Variants in C17orf99 observed in about 807,000 individuals in gnomAD.
C17orf99 encodes the protein chromosome 17 open reading frame 99.
Under a neutral mutation model 22.6 loss-of-function variants are expected in C17orf99, and 18 were observed. That is an observed-to-expected ratio of 0.80 (90% CI 0.55 to 1.18). The LOEUF is 1.18. Among genes scored for constraint, C17orf99 ranks in the 50% most tolerant of loss-of-function variants. The probability of loss-of-function intolerance (pLI) is 0.00; values close to 1 mark genes in which losing one functional copy is unlikely to be tolerated. For synonymous variants in C17orf99, 147 were observed against 136.6 expected, an observed-to-expected ratio of 1.08 and a Z score of -0.53; for missense variants, 328 against 342.7, an observed-to-expected ratio of 0.96 and a Z score of 0.34.
intron 2 of C17orf99, chr17:78,159,968 T>C (rs1202120575): frequency 4.6e-6 from 2 of 437,862 alleles, no homozygotes; most frequent in East Asian, 1.4e-4. Flanking sequence ...CATTCGTCCA[T>C]TGATAGATAT....
chr17:78,153,492 GA>G (rs5822231), intron 2 of C17orf99, among the ~76,000 whole-genome samples: 15,922 of 148,370 alleles, frequency 0.11, 1,234 homozygotes, highest in African/African-American at 0.22. Flanking sequence ...CTCAAAAAAA[GA>G]AAAAAAAAAG....
chr17:78,146,315 C>A (rs1338216010), upstream of C17orf99: 7 of 1,205,998 alleles, frequency 5.8e-6, no homozygotes, highest in Non-Finnish European at 7.0e-6. The surrounding 1 kb of genome is among the most constrained non-coding windows in gnomAD (Gnocchi z 5.2). Flanking sequence ...TGCAGGCACC[C>A]ACCCAGGGAG....
chr17:78,152,878 TGTAGA>T (rs1016126504), intron 2 of C17orf99, among the ~76,000 whole-genome samples: 16 of 151,864 alleles, frequency 1.1e-4, no homozygotes, highest in African/African-American at 3.6e-4. Context: ...GGTCAGGAGT[TGTAGA>T]CCAGCCTGGC....
intron 2 of C17orf99, among the ~76,000 whole-genome samples, chr17:78,153,095 A>AT (rs2075497874): frequency 6.8e-6 from 1 of 147,814 alleles, no homozygotes; most frequent in African/African-American, 2.6e-5. Flanking sequence ...AAAAAAATAA[A>AT]TTAAAAAAAA....
At chr17:78,160,381 C>G (rs1196570392) in intron 2 of C17orf99, among the ~76,000 whole-genome samples, 1 of 151,838 alleles carries the variant, frequency 6.6e-6, no homozygotes, top group Non-Finnish European at 1.5e-5. Flanking sequence ...ACTAAAAATA[C>G]AAAAATTAGC....
intron 2 of C17orf99, chr17:78,160,627 A>T (rs1397342098): frequency 9.5e-6 from 3 of 316,104 alleles, no homozygotes; most frequent in Non-Finnish European, 1.8e-5. Context: ...CCCAGGCTGG[A>T]GTGCAGTGGT....
chr17:78,150,810 G>A lies in C17orf99; in HGVS notation c.70+3899G>A, dbSNP rs117342982. The stretch of plus-strand genomic sequence containing the variant: ...TGAGGATACAGGGGATTTTGATTCC[G>A]GCTGAGCCTACACTCCAAACGGCAC... On this transcript the variant is annotated intron_variant, in intron 2 of 4. Coordinates refer to ENST00000340363, the MANE Select transcript of C17orf99 (RefSeq NM_001163075.2). Among the ~76,000 whole-genome samples the A allele has an allele frequency of 7.7e-3, 1,174 of 152,148 alleles. 10 individuals carry two copies. Among genetic ancestry groups the A allele is most frequent in the Middle Eastern group, 0.017 (5 of 294 alleles).
At chr17:78,155,132 T>TG (rs373824434) in intron 2 of C17orf99, among the ~76,000 whole-genome samples, 4 of 114,960 alleles carry the variant, frequency 3.5e-5, no homozygotes, top group African/African-American at 5.0e-5. Context: ...CTATTTTTTT[T>TG]TTTTTTTTTT....
At chr17:78,155,135 T>TG (rs1202993394) in intron 2 of C17orf99, among the ~76,000 whole-genome samples, 22,590 of 150,772 alleles carry the variant, frequency 0.15, 2,744 homozygotes, top group African/African-American at 0.33. Flanking sequence ...TTTTTTTTTT[T>TG]TTTTTTTTGT....
Position 78,146,705 on chromosome 17 carries a change from G to T in C17orf99, c.38-174G>T. On this transcript the variant is annotated intron_variant, in intron 1 of 4. Transcript: ENST00000340363. This position sits in a 1 kb window ranked among gnomAD's most constrained non-coding sequence, Gnocchi z 5.2. ...TGGGCGGATGAGAGGCGATGTTGTG[G>T]GGGGAGGGGCGCAAAAGAGCTTTTG... 1 of 684,160 alleles carries T rather than the reference G, an allele frequency of 1.5e-6. No homozygotes were observed. The highest frequency in any genetic ancestry group is 2.5e-6 in the Non-Finnish European group (1 of 392,174). 42.4% of individuals were successfully genotyped at this position (684,160 alleles called of 1,614,324 possible). A position where few individuals can be genotyped will look rare whatever the true frequency, so the allele number is the denominator to read the frequency against.
intron 2 of C17orf99, among the ~76,000 whole-genome samples, chr17:78,148,253 T>A (rs1185154231): frequency 6.6e-6 from 1 of 150,656 alleles, no homozygotes; most frequent in Non-Finnish European, 1.5e-5. Context: ...CGATCTCAGC[T>A]TACTGCAACC....
chr17:78,163,481 C>G (rs1020732734), intron 3 of C17orf99, among the ~76,000 whole-genome samples: 2 of 152,136 alleles, frequency 1.3e-5, no homozygotes, highest in Non-Finnish European at 2.9e-5. Flanking sequence ...ATAGGACATA[C>G]GTATAGTAAA....
Position 78,164,173 on chromosome 17 carries a change from C to T in C17orf99, c.449C>T (p.Ala150Val), listed in dbSNP as rs764796943. Residue 150 changes from alanine to valine, a missense_variant, in exon 4 of 5, where the codon GCG becomes GTG. Transcript: ENST00000340363. ...AGPRVEMICQ[A>V]SSGSPPITNS... ...CCCAGGGTGGAGATGATCTGCCAGG[C>T]GTCCTCGGGCAGCCCACCTATCACC... The T allele has an allele frequency of 1.0e-5, 16 of 1,551,442 alleles. No individual in the cohort carries two copies. The highest frequency in any genetic ancestry group is 8.3e-5 in the South Asian group (7 of 84,072).
In C17orf99 at chr17:78,146,881, G is replaced by T; in HGVS notation, c.40G>T (p.Ala14Ser). ...TATCGCCCTTACCTCTCTTACAGCT[G>T]CCAGCAGCTTCTCCAAGGCACGGGA... ...PGLFCLAVLA[A>S]SSFSKAREEE... The change falls in exon 2 of 5, where the codon GCC (alanine) becomes TCC (serine). Residue 14 changes from alanine (A) to serine (S), a missense_variant and splice_region_variant. Transcript: ENST00000340363. The surrounding 1 kb of genome is among the most constrained non-coding windows in gnomAD (Gnocchi z 5.2). The T allele has an allele frequency of 6.4e-7, 1 of 1,551,440 alleles. No individual in the cohort carries two copies. The highest frequency in any genetic ancestry group is 8.7e-7 in the Non-Finnish European group (1 of 1,146,782).
chr17:78,161,242 G>T lies in C17orf99; in HGVS notation c.358G>T (p.Glu120Ter). ...CAGTGCCAGGCTACAGATGCACTGG[G>T]AGCTGTGGTCCAGTGAGTGCGGTGG... ...VDSARLQMHW[E>*]LWSKPVSELR... is the part of the protein sequence containing the mutation. The change falls in exon 3 of 5, where the codon GAG (glutamate) becomes TAG (stop). Residue 120 changes from glutamate (E) to a stop codon, truncating the protein, a stop_gained. Transcript: ENST00000340363. LOFTEE classifies it high-confidence loss of function. 6.4e-7 allele frequency: 1 copy of T among 1,551,580 alleles called. No individual in the cohort carries two copies. Among genetic ancestry groups the T allele is most frequent in the South Asian group, 1.2e-5 (1 of 84,058 alleles).
chr17:78,162,273 CAAAAAAA>C lies in C17orf99; in HGVS notation c.370+1033_370+1039del, dbSNP rs35349689. ...CCTGGGTGACAGCGTAAGACTATCT[CAAAAAAA>C]AAAAAAAAAAAAAGTCGCCCCAGGC... is the stretch of plus-strand genomic sequence containing the variant. On this transcript the variant is annotated intron_variant, in intron 3 of 4. Transcript: ENST00000340363. Among the ~76,000 whole-genome samples, 735 of 93,464 alleles carry C rather than the reference CAAAAAAA, an allele frequency of 7.9e-3. 4 individuals are homozygous for C. The highest frequency in any genetic ancestry group is 0.028 in the African/African-American group (669 of 23,494). 61.3% of individuals were successfully genotyped at this position (93,464 alleles called of 152,430 possible). A position where few individuals can be genotyped will look rare whatever the true frequency, so the allele number is the denominator to read the frequency against.
rs1264751300 is a variant in C17orf99 at position 78,160,937 on chromosome 17, G to C, written c.71-18G>C. ...ATGTCGGTTTCTTTCTTCCTCCTTG[G>C]ACCTTTTCATCTCCCAGAAATTACC... On this transcript the variant is annotated intron_variant, in intron 2 of 4. Transcript: ENST00000340363. The C allele has an allele frequency of 6.5e-6, 10 of 1,543,586 alleles. No homozygotes were observed. The highest frequency in any genetic ancestry group is 8.8e-6 in the Non-Finnish European group (10 of 1,141,060).
intron 2 of C17orf99, among the ~76,000 whole-genome samples, chr17:78,149,870 C>T (rs767444497): frequency 2.6e-5 from 4 of 151,984 alleles, no homozygotes; most frequent in East Asian, 1.9e-4. Flanking sequence ...CCACCACGCC[C>T]AGCTAATTTT....
chr17:78,147,368 T>C (rs1250682604), intron 2 of C17orf99, among the ~76,000 whole-genome samples: 1 of 152,064 alleles, frequency 6.6e-6, no homozygotes, highest in African/African-American at 2.4e-5. Context: ...GAGAGGATGG[T>C]GAAGTTAAGG....
Sources: gnomAD v4.1 joint callset for allele counts (sites outside exome capture counted in the v4.1 genomes callset) on GRCh38, gnomAD v4.1.1 for gene constraint, Gnocchi (gnomAD v3.1) non-coding constraint, MANE v1.5 for transcripts, NCBI Gene and HGNC (gene_info 2026-07-23, HGNC 2026-07-21) for gene names.